CAMK2B: variants seen among roughly 807,000 people sequenced by gnomAD.
The protein encoded by CAMK2B is calcium/calmodulin-dependent protein kinase type II subunit beta.
In CAMK2B, 27 loss-of-function variants were observed where a neutral mutation model predicts 93.7. That is an observed-to-expected ratio of 0.29 (90% CI 0.21 to 0.40). The LOEUF (loss-of-function observed/expected upper bound fraction) is 0.40. Ranked by LOEUF, CAMK2B falls within the 10% of genes least tolerant of loss-of-function variation. The pLI, the probability that CAMK2B is intolerant of heterozygous loss-of-function variation, is 1.00. For synonymous variants in CAMK2B, 374 were observed against 358.8 expected, an observed-to-expected ratio of 1.04 and a Z score of -0.48; for missense variants, 568 against 895.8, an observed-to-expected ratio of 0.63 and a Z score of 4.67.
chr7:44,267,807 C>G (rs571548599), intron 2 of CAMK2B, among the ~76,000 whole-genome samples: 1 of 152,346 alleles, frequency 6.6e-6, no homozygotes, highest in East Asian at 1.9e-4. Context: ...AACAATTGCC[C>G]TCAAAAAGAT....
At chr7:44,269,555 T>C (rs907876251) in intron 2 of CAMK2B, among the ~76,000 whole-genome samples, 4 of 149,348 alleles carry the variant, frequency 2.7e-5, no homozygotes, top group African/African-American at 9.9e-5. Flanking sequence ...CAGCAGGGGG[T>C]GGGGGGTGGT....
intron 2 of CAMK2B, among the ~76,000 whole-genome samples, chr7:44,278,237 C>T (rs1301881231): frequency 3.3e-5 from 5 of 152,292 alleles, no homozygotes; most frequent in Admixed American, 1.3e-4. Flanking sequence ...TGGGTATTCA[C>T]GAGGGGTCCT....
intron 3 of CAMK2B, among the ~76,000 whole-genome samples, chr7:44,261,063 C>T (rs2096875275): frequency 6.6e-6 from 1 of 152,232 alleles, no homozygotes; most frequent in Non-Finnish European, 1.5e-5. Flanking sequence ...CAAGGATGCC[C>T]TCTCACTAGG....
intron 23 of CAMK2B, 60 bp downstream of exon 23, chr7:44,220,000 C>T (rs2096379041): frequency 1.4e-6 from 2 of 1,392,748 alleles, no homozygotes; most frequent in Non-Finnish European, 1.9e-6. Context: ...CCCCAGGCTG[C>T]AGCCACTCAC....
In CAMK2B at chr7:44,286,425, G is replaced by C. The variant is rs1785118557; in HGVS notation, c.66-2200C>G. On this transcript the variant is annotated intron_variant, in intron 1 of 23. Transcript: ENST00000395749. This position sits in a 1 kb window ranked among gnomAD's most constrained non-coding sequence, Gnocchi z 4.0. The stretch of plus-strand genomic sequence containing the variant: ...TCAACAGACTGCACATCTATGCCAA[G>C]CTGATGATGCCCGTATGGCACCGCT... Among the ~76,000 whole-genome samples, 1 of 152,154 alleles carries C rather than the reference G, an allele frequency of 6.6e-6. No homozygotes were observed. The highest frequency in any genetic ancestry group is 2.1e-4 in the South Asian group (1 of 4,830).
chr7:44,258,614 T>C (rs2096854252), intron 4 of CAMK2B, among the ~76,000 whole-genome samples: 1 of 152,094 alleles, frequency 6.6e-6, no homozygotes, highest in Non-Finnish European at 1.5e-5. Context: ...CCCTGTTCTG[T>C]GTGGAGGAGA....
At chr7:44,280,332 GGA>G (rs1180000368) in intron 2 of CAMK2B, among the ~76,000 whole-genome samples, 1 of 152,200 alleles carries the variant, frequency 6.6e-6, no homozygotes, top group Non-Finnish European at 1.5e-5. Context: ...CTCAATCTGT[GGA>G]GAGAGGGGCC....
At chr7:44,302,563 T>C (rs984123775) in intron 1 of CAMK2B, among the ~76,000 whole-genome samples, 2 of 152,202 alleles carry the variant, frequency 1.3e-5, no homozygotes, top group Non-Finnish European at 2.9e-5. Flanking sequence ...ATCATGATCA[T>C]GCGGGATTTA....
At chr7:44,265,781 C>T (rs1038141242) in intron 2 of CAMK2B, among the ~76,000 whole-genome samples, 3 of 152,196 alleles carry the variant, frequency 2.0e-5, no homozygotes, top group Non-Finnish European at 4.4e-5. Flanking sequence ...GGTGGCCATA[C>T]AGGTTGCTGA....
At chr7:44,322,020 C>T (rs1469236924) in intron 1 of CAMK2B, among the ~76,000 whole-genome samples, 4 of 152,246 alleles carry the variant, frequency 2.6e-5, no homozygotes, top group Admixed American at 1.3e-4. Context: ...GCGCCCCAGA[C>T]GCATTCAGGG....
chr7:44,266,472 C>T (rs536093598), intron 2 of CAMK2B, among the ~76,000 whole-genome samples: 13 of 152,350 alleles, frequency 8.5e-5, no homozygotes, highest in African/African-American at 2.9e-4. Context: ...AACAGTACAG[C>T]GGAATCTGGA....
At chr7:44,263,661 C>T (rs2096899999) in intron 2 of CAMK2B, among the ~76,000 whole-genome samples, 1 of 152,096 alleles carries the variant, frequency 6.6e-6, no homozygotes, top group South Asian at 2.1e-4. Flanking sequence ...GTGACTGGTG[C>T]CCCTTGGGTG....
chr7:44,231,831 C>A (rs950448353), intron 16 of CAMK2B, among the ~76,000 whole-genome samples: 1 of 152,188 alleles, frequency 6.6e-6, no homozygotes, highest in Non-Finnish European at 1.5e-5. Context: ...CCCCAGGAGG[C>A]CTGCTCTGCT....
At chr7:44,305,412 A>T (rs1182580125) in intron 1 of CAMK2B, among the ~76,000 whole-genome samples, 1 of 152,186 alleles carries the variant, frequency 6.6e-6, no homozygotes, top group Non-Finnish European at 1.5e-5. Context: ...TGAGCCCAGG[A>T]GTTCAAGGTT....
chr7:44,247,625 T>G (rs1242438535), intron 5 of CAMK2B, among the ~76,000 whole-genome samples: 2 of 151,280 alleles, frequency 1.3e-5, no homozygotes. Context: ...CGGCTGGGGG[T>G]GGGGGCAGGG....
chr7:44,220,967 GC>G, intron 20 of CAMK2B, 66 bp from the exon 21 acceptor site: 1 of 1,373,376 alleles, frequency 7.3e-7, no homozygotes, highest in Non-Finnish European at 1.0e-6. Flanking sequence ...CCTCCACACA[GC>G]CCAGGGGAGG....
chr7:44,227,909 T>G (rs2096534617), intron 19 of CAMK2B, among the ~76,000 whole-genome samples: 1 of 90,180 alleles, frequency 1.1e-5, no homozygotes, highest in Non-Finnish European at 2.1e-5. Flanking sequence ...AGCGTGGACT[T>G]AGGGGGACGT....
intron 1 of CAMK2B, among the ~76,000 whole-genome samples, chr7:44,301,154 G>T (rs1020905468): frequency 2.6e-5 from 4 of 152,124 alleles, no homozygotes; most frequent in African/African-American, 9.7e-5. Context: ...TAGGGACAAG[G>T]TCTCACTCTG....
At chr7:44,233,005 G>T in intron 15 of CAMK2B, 139 bp from the exon 16 acceptor site, 1 of 748,024 alleles carries the variant, frequency 1.3e-6, no homozygotes, top group Non-Finnish European at 2.3e-6. Flanking sequence ...GCAGAGCAGA[G>T]TGGGGGACAG....
Sources: gnomAD v4.1 joint callset for allele counts (sites outside exome capture counted in the v4.1 genomes callset) on GRCh38, gnomAD v4.1.1 for gene constraint, Gnocchi (gnomAD v3.1) non-coding constraint, MANE v1.5 for transcripts, NCBI Gene and HGNC (gene_info 2026-07-23, HGNC 2026-07-21) for gene names.